ZNF804B: variants seen among roughly 807,000 people sequenced by gnomAD.
The protein encoded by ZNF804B is zinc finger 804B.
A neutral mutation model predicts 101.4 loss-of-function variants in ZNF804B; 80 were observed. That is an observed-to-expected ratio of 0.79 (90% confidence interval 0.66 to 0.95). The LOEUF (loss-of-function observed/expected upper bound fraction) is 0.95. ZNF804B is among the 40% of genes least tolerant of loss of function. The pLI is 0.00. For synonymous variants in ZNF804B, 622 were observed against 558.8 expected (o/e 1.11, Z -1.59); for missense variants, 1,673 against 1,561.9 (o/e 1.07, Z -1.20).
At chr7:89,074,971 G>A (rs1009942187) in intron 1 of ZNF804B, among the ~76,000 whole-genome samples, 1 of 152,124 alleles carries the variant, frequency 6.6e-6, no homozygotes, top group Non-Finnish European at 1.5e-5. Context: ...CTAGAGATTC[G>A]TGAACTTTGA....
chr7:89,212,964 A>C (rs187975876), intron 1 of ZNF804B, among the ~76,000 whole-genome samples: 1 of 152,190 alleles, frequency 6.6e-6, no homozygotes, highest in Admixed American at 6.5e-5. Context: ...TACTTCCCTA[A>C]AAATTATCCA....
intron 1 of ZNF804B, among the ~76,000 whole-genome samples, chr7:88,885,401 G>A (rs1204881743): frequency 6.6e-6 from 1 of 151,192 alleles, no homozygotes; most frequent in African/African-American, 2.4e-5. Flanking sequence ...GCTTTTCAGT[G>A]ACGTATTGAT....
At chr7:89,166,831 T>C (rs946570646) in intron 1 of ZNF804B, among the ~76,000 whole-genome samples, 1 of 152,154 alleles carries the variant, frequency 6.6e-6, no homozygotes, top group African/African-American at 2.4e-5. Context: ...CTCACCACAA[T>C]AGTAGTAGGA....
chr7:89,314,039 GT>G (rs1160052767), intron 2 of ZNF804B, among the ~76,000 whole-genome samples: 1 of 151,938 alleles, frequency 6.6e-6, no homozygotes, highest in Admixed American at 6.6e-5. Flanking sequence ...AAGAAATCCA[GT>G]TTTTCCCCCT....
chr7:88,928,029 C>CT (rs1792832749), intron 1 of ZNF804B, among the ~76,000 whole-genome samples: 1 of 152,078 alleles, frequency 6.6e-6, no homozygotes, highest in South Asian at 2.1e-4. Flanking sequence ...TTGTATATCT[C>CT]TAAGTTTCTT....
At chr7:89,169,979 C>G (rs186868079) in intron 1 of ZNF804B, among the ~76,000 whole-genome samples, 1 of 152,140 alleles carries the variant, frequency 6.6e-6, no homozygotes, top group Non-Finnish European at 1.5e-5. Flanking sequence ...AGAGATTTTA[C>G]TGAAAAATTT....
intron 1 of ZNF804B, among the ~76,000 whole-genome samples, chr7:89,212,577 A>T (rs1002738210): frequency 1.3e-5 from 2 of 152,170 alleles, no homozygotes; most frequent in African/African-American, 4.8e-5. Context: ...GTACGCAGTG[A>T]AAGGTCAGGT....
At chr7:89,132,661 T>C (rs565445667) in intron 1 of ZNF804B, among the ~76,000 whole-genome samples, 1 of 152,204 alleles carries the variant, frequency 6.6e-6, no homozygotes, top group East Asian at 1.9e-4. Context: ...AGTTGATATA[T>C]GTATAAACTT....
intron 1 of ZNF804B, among the ~76,000 whole-genome samples, chr7:88,773,971 G>T (rs1349472231): frequency 1.3e-5 from 2 of 151,870 alleles, no homozygotes; most frequent in Non-Finnish European, 2.9e-5. Flanking sequence ...TTTGGGTGGG[G>T]ACAAATATCC....
chr7:88,785,936 C>T (rs1182798202), intron 1 of ZNF804B, among the ~76,000 whole-genome samples: 2 of 152,096 alleles, frequency 1.3e-5, no homozygotes, highest in African/African-American at 4.8e-5. Flanking sequence ...ACCATTGTAA[C>T]TTGTATATCC....
intron 1 of ZNF804B, among the ~76,000 whole-genome samples, chr7:89,164,049 A>G (rs1028070592): frequency 1.3e-5 from 2 of 152,002 alleles, no homozygotes; most frequent in African/African-American, 4.8e-5. Flanking sequence ...CTATCTCTCA[A>G]ATAATGCTTC....
At chr7:88,927,392 C>G (rs1422930135) in intron 1 of ZNF804B, among the ~76,000 whole-genome samples, 3 of 152,158 alleles carry the variant, frequency 2.0e-5, no homozygotes, top group Non-Finnish European at 4.4e-5. Context: ...ATCTGAGAGG[C>G]ATTTTTATCT....
chr7:89,194,880 T>G (rs1290028405), intron 1 of ZNF804B, among the ~76,000 whole-genome samples: 3 of 152,196 alleles, frequency 2.0e-5, no homozygotes, highest in Non-Finnish European at 4.4e-5. Flanking sequence ...GGGGATGGCA[T>G]TGAATCTATA....
chr7:89,252,055 T>C (rs1050151110), intron 2 of ZNF804B, among the ~76,000 whole-genome samples: 1 of 152,036 alleles, frequency 6.6e-6, no homozygotes, highest in African/African-American at 2.4e-5. Context: ...ATTTGACAAA[T>C]GGGATCTATT....
chr7:89,128,448 G>A (rs1003588776), intron 1 of ZNF804B, among the ~76,000 whole-genome samples: 5 of 151,952 alleles, frequency 3.3e-5, no homozygotes, highest in African/African-American at 1.2e-4. Context: ...TGAAAAGTAT[G>A]TGAGAATGGC....
At chr7:89,267,736 G>C (rs1253969990) in intron 2 of ZNF804B, among the ~76,000 whole-genome samples, 2 of 152,082 alleles carry the variant, frequency 1.3e-5, no homozygotes, top group Non-Finnish European at 2.9e-5. Context: ...TTTTTCATTT[G>C]AATAAGAGAA....
intron 1 of ZNF804B, among the ~76,000 whole-genome samples, chr7:89,024,335 C>T (rs1353715785): frequency 6.6e-6 from 1 of 152,082 alleles, no homozygotes; most frequent in African/African-American, 2.4e-5. Context: ...TATTATGGGG[C>T]TTTAGCTTCT....
chr7:88,791,004 C>T (rs563530144), intron 1 of ZNF804B, among the ~76,000 whole-genome samples: 5 of 152,134 alleles, frequency 3.3e-5, no homozygotes, highest in East Asian at 1.9e-4. Context: ...ACAATTTGTA[C>T]TTCCCCTTAG....
chr7:88,811,127 G>A (rs10229796), intron 1 of ZNF804B, among the ~76,000 whole-genome samples: 51,837 of 151,848 alleles, frequency 0.34, 9,421 homozygotes, highest in East Asian at 0.51. Flanking sequence ...AGTTTAAGGT[G>A]TGAGGTGCTC....
Sources: gnomAD v4.1 joint callset for allele counts (sites outside exome capture counted in the v4.1 genomes callset) on GRCh38, gnomAD v4.1.1 for gene constraint, MANE v1.5 for transcripts, NCBI Gene and HGNC (gene_info 2026-07-23, HGNC 2026-07-21) for gene names.